Variants in CADPS observed in about 807,000 individuals in gnomAD.
CADPS encodes the protein calcium dependent secretion activator, also known as calcium-dependent secretion activator 1.
A neutral mutation model predicts 167.3 loss-of-function variants in CADPS; 57 were observed. The observed-to-expected ratio is 0.34, with a 90% CI of 0.28 to 0.42. The LOEUF is 0.42. CADPS is among the 20% of genes least tolerant of loss of function. CADPS has a pLI of 1.00. For missense variants in CADPS, 1,414 were observed against 1,738.1 expected, an observed-to-expected ratio of 0.81 and a Z score of 3.32; for synonymous variants, 676 against 635.3, an observed-to-expected ratio of 1.06 and a Z score of -0.96.
chr3:62,406,237 G>A (rs919559710), intron 28 of CADPS, among the ~76,000 whole-genome samples: 15 of 152,176 alleles, frequency 9.9e-5, no homozygotes, highest in Admixed American at 8.5e-4. Flanking sequence ...ATGGGAATTG[G>A]CAAATGCCAC....
At chr3:62,838,194 T>C (rs2076169474) in intron 1 of CADPS, among the ~76,000 whole-genome samples, 1 of 152,212 alleles carries the variant, frequency 6.6e-6, no homozygotes, top group African/African-American at 2.4e-5. Flanking sequence ...GGCGCATATA[T>C]TACTGACCTC....
rs550225044 is a variant in CADPS, at chr3:62,649,807, C to A, written c.1203+1040G>T. On this transcript the variant is annotated intron_variant, in intron 5 of 29. Transcript: ENST00000383710. ...GCTCAAGCAATCCTCCCACCTCAGC[C>A]TCTCAAAGTCCTGGGATTATAGACA... Among the ~76,000 whole-genome samples the A allele has an allele frequency of 8.0e-4, 122 of 152,130 alleles. 1 individual carries two copies. The South Asian group carries it at 0.025, about 31-fold the overall frequency.
intron 6 of CADPS, among the ~76,000 whole-genome samples, chr3:62,596,386 C>T (rs574449222): frequency 3.0e-4 from 45 of 151,872 alleles, no homozygotes; most frequent in African/African-American, 5.8e-4. Flanking sequence ...TTAGTAGAGA[C>T]GGGGTTTCAC....
chr3:62,709,447 T>A (rs1015923764), intron 3 of CADPS, among the ~76,000 whole-genome samples: 14 of 152,194 alleles, frequency 9.2e-5, no homozygotes, highest in Non-Finnish European at 1.6e-4. Context: ...CAATCTACAG[T>A]TTCCTCCTGT....
chr3:62,872,042 C>T (rs532130565), intron 1 of CADPS, among the ~76,000 whole-genome samples: 1 of 152,270 alleles, frequency 6.6e-6, no homozygotes, highest in East Asian at 1.9e-4. Context: ...CTTTTCTCCA[C>T]AATTCAGCAA....
intron 28 of CADPS, chr3:62,404,483 G>C (rs1707647106): frequency 6.6e-6 from 1 of 152,364 alleles, no homozygotes; most frequent in African/African-American, 2.4e-5. Flanking sequence ...AATTAATTTA[G>C]GTTTTTACTT....
Position 62,433,273 on chromosome 3 carries a change from C to T in CADPS, c.3777+4831G>A, listed in dbSNP as rs1273937135. Among the ~76,000 whole-genome samples, 4 of 152,172 alleles carry T rather than the reference C, an allele frequency of 2.6e-5. No homozygotes were observed. Among genetic ancestry groups the T allele is most frequent in the South Asian group, 2.1e-4 (1 of 4,830 alleles). On this transcript the variant is annotated intron_variant, in intron 28 of 29. Transcript: ENST00000383710. The surrounding 1 kb of genome is among the most constrained non-coding windows in gnomAD (Gnocchi z 4.7). ...TTACCCTTTTCAAGGGAACTAGTCA[C>T]ACTCAATTATTGTTCTGCCACACAA...
At chr3:62,792,857 C>G (rs1559645034) in intron 1 of CADPS, among the ~76,000 whole-genome samples, 1 of 152,226 alleles carries the variant, frequency 6.6e-6, no homozygotes, top group East Asian at 1.9e-4. Context: ...CTTAACTTCC[C>G]AAAGTACTGG....
intron 1 of CADPS, among the ~76,000 whole-genome samples, chr3:62,845,271 T>C (rs973028825): frequency 5.3e-5 from 8 of 152,142 alleles, no homozygotes; most frequent in Admixed American, 2.0e-4. Context: ...GAGCTGCATA[T>C]CCCAAGGCTC....
At chr3:62,724,898 A>G (rs1028379409) in intron 3 of CADPS, among the ~76,000 whole-genome samples, 2 of 152,242 alleles carry the variant, frequency 1.3e-5, no homozygotes, top group East Asian at 1.9e-4. Flanking sequence ...GGGGAAATAG[A>G]TGCAAAATGA....
At chr3:62,707,257 C>T (rs1327983330) in intron 3 of CADPS, among the ~76,000 whole-genome samples, 2 of 152,062 alleles carry the variant, frequency 1.3e-5, no homozygotes, top group African/African-American at 2.4e-5. Context: ...CCATTGTATG[C>T]TCCTTATGAG....
At chr3:62,411,662 T>C (rs1208936936) in intron 28 of CADPS, among the ~76,000 whole-genome samples, 2 of 152,180 alleles carry the variant, frequency 1.3e-5, no homozygotes, top group Non-Finnish European at 2.9e-5. Flanking sequence ...GTCTCTCAGG[T>C]CTAACGATTA....
chr3:62,798,835 C>A (rs1345169736), intron 1 of CADPS, among the ~76,000 whole-genome samples: 1 of 152,112 alleles, frequency 6.6e-6, no homozygotes, highest in Non-Finnish European at 1.5e-5. Flanking sequence ...GAACAAGGAT[C>A]TCACATATAG....
At chr3:62,864,214 T>C (rs2081297622) in intron 1 of CADPS, among the ~76,000 whole-genome samples, 3 of 152,214 alleles carry the variant, frequency 2.0e-5, no homozygotes, top group Admixed American at 2.0e-4. Context: ...GCCACACCTT[T>C]AGCAGCACTG....
At chr3:62,411,682 T>C (rs548695234) in intron 28 of CADPS, among the ~76,000 whole-genome samples, 178 of 152,324 alleles carry the variant, frequency 1.2e-3, no homozygotes, top group African/African-American at 4.0e-3. Context: ...ACCGGGGATC[T>C]GGTTGTATTT....
At chr3:62,678,533 T>C (rs964044346) in intron 3 of CADPS, among the ~76,000 whole-genome samples, 5 of 152,058 alleles carry the variant, frequency 3.3e-5, no homozygotes, top group African/African-American at 1.2e-4. Flanking sequence ...ACACTTATCT[T>C]GTACAGAAGG....
chr3:62,571,102 C>T (rs1400444132), intron 8 of CADPS, among the ~76,000 whole-genome samples, 164 bp from the exon 9 acceptor site: 1 of 152,178 alleles, frequency 6.6e-6, no homozygotes, highest in African/African-American at 2.4e-5. Context: ...CAACAGCAAG[C>T]ACTTTTCACT....
chr3:62,790,959 C>CT lies in CADPS; in HGVS notation c.442-24976dup, dbSNP rs35894606. On this transcript the variant is annotated intron_variant, in intron 1 of 29. Transcript: ENST00000383710. ...TTCTGTGTTATTTTAAAAATGGTGA[C>CT]TTTTTTTTTTATCCTCAAGCACATG... 5.3e-4 allele frequency among the ~76,000 whole-genome samples: 76 copies of CT among 143,940 alleles called. 1 individual carries two copies. The highest frequency in any genetic ancestry group is 1.3e-3 in the Admixed American group (19 of 14,360). The allele number at this position is 143,940 out of a possible 152,430, so 94.4% of individuals were successfully genotyped here. A position where few individuals can be genotyped will look rare whatever the true frequency, so the allele number is the denominator to read the frequency against.
At chr3:62,428,296 C>CT (rs34002756) in intron 28 of CADPS, among the ~76,000 whole-genome samples, 3,539 of 64,220 alleles carry the variant, frequency 0.055, 526 homozygotes, top group African/African-American at 0.096. Context: ...GGAAGCAAGA[C>CT]TTTTTTTTTT....
Sources: allele counts gnomAD v4.1 joint callset (sites outside exome capture counted in the v4.1 genomes callset), GRCh38; gene constraint gnomAD v4.1.1; non-coding constraint Gnocchi (gnomAD v3.1); transcripts MANE v1.5; gene names NCBI Gene and HGNC (gene_info 2026-07-23, HGNC 2026-07-21).